Variants in LUZP2 observed in about 807,000 individuals in gnomAD.
LUZP2 encodes leucine zipper protein 2.
In LUZP2, 52 loss-of-function variants were observed where a neutral mutation model predicts 51.6. The ratio of observed to expected loss-of-function variants is 1.01; its 90% confidence interval spans 0.81 to 1.27. LUZP2 has a LOEUF of 1.27. Among genes scored for constraint, LUZP2 ranks in the 50% most tolerant of loss-of-function variants. The probability of loss-of-function intolerance (pLI) is 0.00; values close to 1 mark genes in which losing one functional copy is unlikely to be tolerated. For synonymous variants in LUZP2, 154 were observed against 137.3 expected (o/e 1.12, Z -0.85); for missense variants, 436 against 395.4 (o/e 1.10, Z -0.87).
At chr11:24,687,322 A>G (rs1856926665) in intron 1 of LUZP2, among the ~76,000 whole-genome samples, 1 of 152,196 alleles carries the variant, frequency 6.6e-6, no homozygotes, top group South Asian at 2.1e-4. Flanking sequence ...TTGAATTTCA[A>G]AAGTAGGGAA....
At position 24,997,386 on chromosome 11, in the gene LUZP2, T is replaced by A. The variant is rs559316242; in HGVS notation, c.765+14093T>A. Among the ~76,000 whole-genome samples the A allele has an allele frequency of 6.8e-4, 104 of 152,336 alleles. 2 individuals carry two copies. In the South Asian group the frequency reaches 0.021, roughly 30 times the overall value. On this transcript the variant is annotated intron_variant, in intron 9 of 11. Coordinates refer to ENST00000336930, the MANE Select transcript of LUZP2 (RefSeq NM_001009909.4). ...GATGGCCAGTGATGGTGAGCATTTT[T>A]TCCTGTGTTTTTTGGCTGCATAAAT...
In LUZP2 at chr11:25,044,205, A is replaced by G. The variant is rs140265164; in HGVS notation, c.766-5833A>G. ...CACACACATATATATGCATATATGT[A>G]TGTGTATATATATATGTGTGTGTAT... is the stretch of plus-strand genomic sequence containing the variant. On this transcript the variant is annotated intron_variant, in intron 9 of 11. Transcript: ENST00000336930. 7.7e-3 allele frequency among the ~76,000 whole-genome samples: 991 copies of G among 127,944 alleles called. 31 individuals carry two copies. The East Asian group carries it at 0.11, about 15-fold the overall frequency. The allele number at this position is 127,944 out of a possible 152,430, so 83.9% of individuals were successfully genotyped here.
At chr11:24,967,703 C>A (rs1005808414) in intron 7 of LUZP2, among the ~76,000 whole-genome samples, 1 of 151,592 alleles carries the variant, frequency 6.6e-6, no homozygotes, top group Non-Finnish European at 1.5e-5. Context: ...TTAGAATTTT[C>A]ATTTGCTTTT....
chr11:24,876,238 A>T lies in LUZP2; in HGVS notation c.397-29753A>T, dbSNP rs11028242. ...GGGTTTTTATGGTTTTAGGTCTAAC[A>T]TTTAAGTCTTTAATCCATCTTGAAT... is the stretch of plus-strand genomic sequence containing the variant. On this transcript the variant is annotated intron_variant, in intron 5 of 11. Transcript: ENST00000336930. Among the ~76,000 whole-genome samples the T allele has an allele frequency of 5.7e-5, 8 of 139,878 alleles. No homozygotes were observed. The East Asian group carries it at 1.1e-3, about 20-fold the overall frequency. The allele number at this position is 139,878 out of a possible 152,430, so 91.8% of individuals were successfully genotyped here.
intron 1 of LUZP2, among the ~76,000 whole-genome samples, chr11:24,600,467 CAG>C (rs1051997750): frequency 5.3e-5 from 8 of 152,168 alleles, no homozygotes; most frequent in Non-Finnish European, 7.4e-5. Flanking sequence ...AGGAAACTAA[CAG>C]AGGGGGAATG....
intron 1 of LUZP2, among the ~76,000 whole-genome samples, chr11:24,711,818 C>T (rs1028565341): frequency 1.3e-5 from 2 of 152,114 alleles, no homozygotes; most frequent in African/African-American, 4.8e-5. Context: ...TCAAATTTTT[C>T]CCCTTACTAA....
chr11:24,765,886 A>G (rs1444668739), intron 5 of LUZP2, among the ~76,000 whole-genome samples: 3 of 152,042 alleles, frequency 2.0e-5, no homozygotes, highest in African/African-American at 7.2e-5. Context: ...TAGGCCTCCC[A>G]AAGTGCTGGG....
At chr11:24,775,333 G>T (rs1438712578) in intron 5 of LUZP2, among the ~76,000 whole-genome samples, 1 of 151,728 alleles carries the variant, frequency 6.6e-6, no homozygotes, top group Non-Finnish European at 1.5e-5. Flanking sequence ...CATTGTGGTG[G>T]AATCCAATTT....
chr11:24,896,916 G>A (rs1278004533), intron 5 of LUZP2, among the ~76,000 whole-genome samples: 1 of 152,122 alleles, frequency 6.6e-6, no homozygotes, highest in South Asian at 2.1e-4. Context: ...TTTATGTCTC[G>A]CTAAAGGATT....
At chr11:24,699,641 C>G (rs1052534631) in intron 1 of LUZP2, among the ~76,000 whole-genome samples, 1 of 145,754 alleles carries the variant, frequency 6.9e-6, no homozygotes, top group African/African-American at 2.6e-5. Flanking sequence ...GAGCTAAGAA[C>G]AATAGCCTTG....
chr11:24,916,001 T>TA (rs1342950344), intron 7 of LUZP2, among the ~76,000 whole-genome samples: 3 of 152,002 alleles, frequency 2.0e-5, no homozygotes, highest in Non-Finnish European at 4.4e-5. Flanking sequence ...ATTTTTTATT[T>TA]ATTTATTTTT....
intron 5 of LUZP2, among the ~76,000 whole-genome samples, chr11:24,821,520 A>G (rs1326825212): frequency 1.3e-5 from 2 of 152,144 alleles, no homozygotes; most frequent in Non-Finnish European, 1.5e-5. Flanking sequence ...TTCTTATCAC[A>G]TTATTCTCTA....
rs774386318 is a variant in LUZP2, at chr11:25,030,905, A to AT, written c.766-19133_766-19132insT. Among the ~76,000 whole-genome samples the AT allele has an allele frequency of 2.1e-3, 137 of 64,286 alleles. 9 individuals are homozygous for AT. The highest frequency in any genetic ancestry group is 4.2e-3 in the African/African-American group (44 of 10,494). The allele number at this position is 64,286 out of a possible 152,430, so 42.2% of individuals were successfully genotyped here. A position where few individuals can be genotyped will look rare whatever the true frequency, so the allele number is the denominator to read the frequency against. On this transcript the variant is annotated intron_variant, in intron 9 of 11. Coordinates refer to ENST00000336930, the MANE Select transcript of LUZP2 (RefSeq NM_001009909.4). ...TACTATATATATTATATATATATAT[A>AT]ATATATATTGTATTATATATATATA...
intron 1 of LUZP2, among the ~76,000 whole-genome samples, chr11:24,547,469 A>C (rs1409524947): frequency 1.3e-5 from 2 of 152,048 alleles, no homozygotes; most frequent in South Asian, 4.1e-4. Context: ...CAGTGGGTAA[A>C]GGACTATTTA....
chr11:24,633,036 C>G (rs140530651), intron 1 of LUZP2, among the ~76,000 whole-genome samples: 28 of 152,094 alleles, frequency 1.8e-4, no homozygotes, highest in Non-Finnish European at 3.7e-4. Context: ...GAAAGGAAAT[C>G]TGAGCAACAG....
At chr11:25,039,254 T>C (rs554792727) in intron 9 of LUZP2, among the ~76,000 whole-genome samples, 2 of 152,202 alleles carry the variant, frequency 1.3e-5, no homozygotes, top group East Asian at 3.9e-4. Flanking sequence ...CTGTGGATCC[T>C]TGGGGTTGGG....
At chr11:25,075,636 G>A (rs1286701535) in intron 10 of LUZP2, among the ~76,000 whole-genome samples, 1 of 152,122 alleles carries the variant, frequency 6.6e-6, no homozygotes, top group Admixed American at 6.6e-5. Context: ...GAGCATGGAA[G>A]GATGACTGAG....
intron 5 of LUZP2, among the ~76,000 whole-genome samples, chr11:24,855,666 C>A (rs1479794720): frequency 1.3e-5 from 2 of 152,056 alleles, no homozygotes; most frequent in African/African-American, 4.8e-5. Flanking sequence ...CCAAAGCAAT[C>A]CTAAACAAGA....
At chr11:24,551,544 T>C (rs539810578) in intron 1 of LUZP2, among the ~76,000 whole-genome samples, 3 of 152,146 alleles carry the variant, frequency 2.0e-5, no homozygotes, top group South Asian at 4.1e-4. Context: ...ATTCTGATTA[T>C]GCTAAATAAT....
Sources: allele counts gnomAD v4.1 joint callset (sites outside exome capture counted in the v4.1 genomes callset), GRCh38; gene constraint gnomAD v4.1.1; transcripts MANE v1.5; gene names NCBI Gene and HGNC (gene_info 2026-07-23, HGNC 2026-07-21).